Variants in SEMA6D observed in about 807,000 individuals in gnomAD.
SEMA6D encodes semaphorin 6D.
In SEMA6D, 35 loss-of-function variants were observed where a neutral mutation model predicts 106.6. The observed-to-expected ratio is 0.33, with a 90% CI of 0.25 to 0.44. SEMA6D has a LOEUF of 0.44. Among genes scored for constraint, SEMA6D ranks in the 20% least tolerant of loss-of-function variants. The pLI is 1.00. For synonymous variants in SEMA6D, 499 were observed against 487.7 expected (o/e 1.02, Z -0.31); for missense variants, 1,185 against 1,345.9 (o/e 0.88, Z 1.87).
Position 47,763,069 on chromosome 15 carries a change from C to G in SEMA6D, c.712C>G (p.Arg238Gly). Residue 238 changes from arginine (R) to glycine (G), a missense_variant, in exon 9 of 19, where the codon CGA (arginine) becomes GGA (glycine). Arg to Gly is a moderately radical substitution (Grantham distance 125). Transcript: ENST00000536845. ...TGGAAACTATGTCTATTTCTTCTTTCGAGAAATCGCTGTCGAACATAATAA... is the reference window on the plus strand; with the variant it reads ...TGGAAACTATGTCTATTTCTTCTTTGGAGAAATCGCTGTCGAACATAATAA... ...EYGNYVYFFF[R>G]EIAVEHNNLG... The G allele has an allele frequency of 1.9e-6, 3 of 1,612,238 alleles. No individual in the cohort carries two copies.
chr15:47,548,037 T>C (rs2045575909), intron 3 of SEMA6D, among the ~76,000 whole-genome samples: 1 of 152,200 alleles, frequency 6.6e-6, no homozygotes, highest in South Asian at 2.1e-4. Flanking sequence ...ATGGTATCCC[T>C]GTGTCTTTTC....
chr15:47,537,687 G>A (rs1039311387), intron 3 of SEMA6D, among the ~76,000 whole-genome samples: 3 of 152,196 alleles, frequency 2.0e-5, no homozygotes, highest in African/African-American at 7.2e-5. Context: ...ACAAATTTAA[G>A]AGTTGCCTCA....
intron 1 of SEMA6D, among the ~76,000 whole-genome samples, chr15:47,327,806 G>A (rs2037190314): frequency 6.6e-6 from 1 of 152,136 alleles, no homozygotes; most frequent in Admixed American, 6.5e-5. Flanking sequence ...GTGCTTTGCA[G>A]GCAAGCTAAG....
chr15:47,301,731 G>A (rs988122293), intron 1 of SEMA6D, among the ~76,000 whole-genome samples: 1 of 152,228 alleles, frequency 6.6e-6, no homozygotes, highest in African/African-American at 2.4e-5. Context: ...GTGAGAGGGA[G>A]GAAACGAGAC....
chr15:47,266,114 G>A (rs1247955702), intron 1 of SEMA6D, among the ~76,000 whole-genome samples: 1 of 152,072 alleles, frequency 6.6e-6, no homozygotes, highest in Non-Finnish European at 1.5e-5. Flanking sequence ...TCCCAGCAGG[G>A]CTCTTCCCTG....
chr15:47,397,926 A>T (rs1016095760), intron 1 of SEMA6D: 1 of 152,192 alleles, frequency 6.6e-6, no homozygotes, highest in African/African-American at 2.4e-5. Flanking sequence ...GCAAAAATAG[A>T]ATAACAGTAT....
chr15:47,728,403 G>T (rs1358992267), intron 1 of SEMA6D, among the ~76,000 whole-genome samples: 4 of 152,200 alleles, frequency 2.6e-5, no homozygotes, highest in African/African-American at 7.2e-5. Context: ...TTCATACTCT[G>T]TGTGGTGACA....
chr15:47,378,367 G>A (rs1165356844), intron 1 of SEMA6D, among the ~76,000 whole-genome samples: 6 of 152,146 alleles, frequency 3.9e-5, no homozygotes, highest in African/African-American at 7.2e-5. Context: ...GTGGTGGCAC[G>A]CGCCTGTAAT....
chr15:47,188,565 C>A (rs1893730677), intron 1 of SEMA6D, among the ~76,000 whole-genome samples: 1 of 152,178 alleles, frequency 6.6e-6, no homozygotes, highest in South Asian at 2.1e-4. Flanking sequence ...GCTTTAGGCA[C>A]AAGAAAGCTC....
chr15:47,429,351 G>A (rs1259073405), intron 2 of SEMA6D, among the ~76,000 whole-genome samples: 3 of 152,080 alleles, frequency 2.0e-5, no homozygotes, highest in Non-Finnish European at 4.4e-5. Context: ...AAAGGTTTGG[G>A]AAGTTAGTAA....
intron 3 of SEMA6D, among the ~76,000 whole-genome samples, chr15:47,485,476 T>C (rs2043271295): frequency 6.6e-6 from 1 of 152,046 alleles, no homozygotes. Flanking sequence ...TAATAAAATA[T>C]TTTGCAGAGA....
intron 2 of SEMA6D, among the ~76,000 whole-genome samples, chr15:47,415,297 T>A (rs2040929416): frequency 6.6e-6 from 1 of 152,184 alleles, no homozygotes; most frequent in Admixed American, 6.5e-5. Flanking sequence ...ATCCAAAATT[T>A]CAGTGCTCTA....
intron 4 of SEMA6D, among the ~76,000 whole-genome samples, chr15:47,676,873 C>G (rs1271321497): frequency 6.6e-6 from 1 of 151,980 alleles, no homozygotes; most frequent in Non-Finnish European, 1.5e-5. Context: ...ACGAAAGCAG[C>G]AGTCTCCAAC....
intron 2 of SEMA6D, among the ~76,000 whole-genome samples, chr15:47,435,004 A>G (rs1316528923): frequency 6.6e-6 from 1 of 152,184 alleles, no homozygotes; most frequent in East Asian, 1.9e-4. Context: ...AAGATAATAA[A>G]TGTTAAAAAT....
chr15:47,605,084 C>T (rs891637924), intron 4 of SEMA6D, among the ~76,000 whole-genome samples: 11 of 152,166 alleles, frequency 7.2e-5, no homozygotes, highest in Non-Finnish European at 1.0e-4. Context: ...TGCTGTCTCA[C>T]ATAGTTTCTG....
rs138545706 is a variant in SEMA6D at position 47,322,477 on chromosome 15, T to C, written c.-238-89916T>C. On this transcript the variant is annotated intron_variant, in intron 1 of 19. Coordinates refer to the SEMA6D transcript ENST00000558014. ...TATCAATTTAGGTTTTTCAGGTACT[T>C]TCTCATCATTAGATTGATGTTATAC... Among the ~76,000 whole-genome samples the C allele has an allele frequency of 3.1e-3, 472 of 152,228 alleles. 4 individuals are homozygous for C. The highest frequency in any genetic ancestry group is 0.011 in the African/African-American group (443 of 41,534).
intron 3 of SEMA6D, among the ~76,000 whole-genome samples, chr15:47,556,630 A>G (rs1431141537): frequency 6.6e-6 from 1 of 152,094 alleles, no homozygotes; most frequent in Non-Finnish European, 1.5e-5. Context: ...AGTGTGTGCC[A>G]TCCCTAAAGA....
intron 4 of SEMA6D, among the ~76,000 whole-genome samples, chr15:47,635,277 G>A (rs550894941): frequency 5.7e-4 from 87 of 152,290 alleles, no homozygotes; most frequent in Admixed American, 9.8e-4. Flanking sequence ...AAGATAGACA[G>A]TTTGGGATTG....
intron 1 of SEMA6D, among the ~76,000 whole-genome samples, chr15:47,228,877 G>C (rs982673955): frequency 6.6e-6 from 1 of 151,982 alleles, no homozygotes; most frequent in African/African-American, 2.4e-5. Context: ...AAATGACCAT[G>C]AATAAATTAT....
Sources: allele counts gnomAD v4.1 joint callset (sites outside exome capture counted in the v4.1 genomes callset), GRCh38; gene constraint gnomAD v4.1.1; transcripts MANE v1.5; gene names NCBI Gene and HGNC (gene_info 2026-07-23, HGNC 2026-07-21).